The following ULK4 variants were observed in gnomAD, a reference collection of about 807,000 sequenced individuals.
The protein encoded by ULK4 is inactive serine/threonine-protein kinase ULK4.
A neutral mutation model predicts 160.6 loss-of-function variants in ULK4; 133 were observed. The observed-to-expected ratio is 0.83, with a 90% confidence interval of 0.72 to 0.96. The LOEUF (loss-of-function observed/expected upper bound fraction) is 0.96, where lower values mean the gene tolerates loss of function less well. ULK4 is among the 40% of genes least tolerant of loss of function. ULK4 has a pLI of 0.00. For synonymous variants in ULK4, 534 were observed against 539.8 expected, an observed-to-expected ratio of 0.99 and a Z score of 0.15; for missense variants, 1,580 against 1,499.5, an observed-to-expected ratio of 1.05 and a Z score of -0.89.
intron 25 of ULK4, among the ~76,000 whole-genome samples, chr3:41,708,939 A>G (rs1365661064): frequency 6.6e-6 from 1 of 152,234 alleles, no homozygotes; most frequent in Non-Finnish European, 1.5e-5. Context: ...ACTTAAATGC[A>G]ACCTATGTTT....
Position 41,671,841 on chromosome 3 carries a change from C to G in ULK4, c.2979-8142G>C, listed in dbSNP as rs556834477. Among the ~76,000 whole-genome samples, 10 of 151,992 alleles carry G rather than the reference C, an allele frequency of 6.6e-5. No individual in the cohort carries two copies. In the South Asian group the frequency reaches 2.1e-3, roughly 32 times the overall value. On this transcript the variant is annotated intron_variant, in intron 29 of 36. Coordinates refer to ENST00000301831, the MANE Select transcript of ULK4 (RefSeq NM_017886.4). ...CACAACCAAGAGGGGAACTAATATC[C>G]AGAATATATAAGGAACTCAACTCAG...
intron 27 of ULK4, among the ~76,000 whole-genome samples, chr3:41,694,573 C>G (rs982518462): frequency 1.3e-5 from 2 of 152,140 alleles, no homozygotes; most frequent in African/African-American, 2.4e-5. Context: ...GCCTCAGTAT[C>G]TGAGAGAGAT....
At chr3:41,489,860 C>A (rs2084684667) in intron 32 of ULK4, among the ~76,000 whole-genome samples, 1 of 152,136 alleles carries the variant, frequency 6.6e-6, no homozygotes. Flanking sequence ...AATATTAATA[C>A]ACACAGGGTA....
At chr3:41,758,607 C>T (rs2038881386) in intron 21 of ULK4, among the ~76,000 whole-genome samples, 1 of 152,088 alleles carries the variant, frequency 6.6e-6, no homozygotes, top group Non-Finnish European at 1.5e-5. Flanking sequence ...AATAAGTGGC[C>T]GGGCACAGTG....
intron 18 of ULK4, among the ~76,000 whole-genome samples, chr3:41,832,575 T>A (rs1035226788): frequency 4.6e-5 from 7 of 152,268 alleles, no homozygotes; most frequent in African/African-American, 1.7e-4. Flanking sequence ...TGGGTTTTGA[T>A]GCCATTGCTT....
intron 16 of ULK4, among the ~76,000 whole-genome samples, chr3:41,888,394 A>G (rs1022095906): frequency 2.0e-5 from 3 of 152,254 alleles, no homozygotes; most frequent in African/African-American, 7.2e-5. Context: ...CTCAGATGAC[A>G]TGCATAGATA....
intron 35 of ULK4, among the ~76,000 whole-genome samples, chr3:41,280,694 CAA>C (rs1172504918): frequency 2.6e-5 from 4 of 152,126 alleles, no homozygotes; most frequent in African/African-American, 4.8e-5. Context: ...TAAATGCCCA[CAA>C]GAGAGAGCAG....
chr3:41,836,489 G>T (rs1249925204), intron 17 of ULK4, among the ~76,000 whole-genome samples: 2 of 151,964 alleles, frequency 1.3e-5, no homozygotes, highest in Non-Finnish European at 2.9e-5. Context: ...AGTTTATAAA[G>T]CACTTCCACC....
intron 32 of ULK4, among the ~76,000 whole-genome samples, chr3:41,479,717 C>A (rs1343420930): frequency 2.0e-5 from 3 of 152,116 alleles, no homozygotes; most frequent in Non-Finnish European, 4.4e-5. Flanking sequence ...ACGTGGCATG[C>A]AGATTCCTAA....
Position 41,789,718 on chromosome 3 carries a change from G to C in ULK4, c.2136C>G (p.Thr712=). 2 of 1,612,998 alleles carry C rather than the reference G, an allele frequency of 1.2e-6. No homozygotes were observed. Among genetic ancestry groups the C allele is most frequent in the Non-Finnish European group, 1.7e-6 (2 of 1,179,490 alleles). The change falls in exon 21 of 37, where the codon ACC becomes ACG. Residue 712 remains threonine (T), a synonymous_variant. Transcript: ENST00000301831. ...AICKVQQYML[T]LFAAMLSCGI... ...CACAGGACAACATGGCAGCGAATAAGGTCAACATGTACTGCTGAACTTTGC... is the reference window on the plus strand; with the variant it reads ...CACAGGACAACATGGCAGCGAATAACGTCAACATGTACTGCTGAACTTTGC...
chr3:41,731,966 G>A (rs946023656), intron 22 of ULK4, among the ~76,000 whole-genome samples: 4 of 152,014 alleles, frequency 2.6e-5, no homozygotes, highest in Admixed American at 1.3e-4. Flanking sequence ...CACTCTCACC[G>A]TATACAAAAA....
At chr3:41,389,409 T>C (rs1264098243) in intron 35 of ULK4, among the ~76,000 whole-genome samples, 6 of 152,194 alleles carry the variant, frequency 3.9e-5, no homozygotes, top group Non-Finnish European at 7.4e-5. Context: ...CAACACTATG[T>C]TGAATAGGAG....
chr3:41,522,062 G>A (rs17058410), intron 32 of ULK4, among the ~76,000 whole-genome samples: 14,654 of 151,406 alleles, frequency 0.097, 829 homozygotes, highest in Admixed American at 0.14. Context: ...AGTGTTATAC[G>A]TCCCTCCTTG....
intron 27 of ULK4, among the ~76,000 whole-genome samples, chr3:41,691,420 T>C (rs181407661): frequency 6.6e-6 from 1 of 151,996 alleles, no homozygotes; most frequent in African/African-American, 2.4e-5. Flanking sequence ...CTTTTGTTCC[T>C]GCTATAAAAC....
chr3:41,408,106 C>T (rs1335335301), intron 34 of ULK4, among the ~76,000 whole-genome samples: 1 of 150,972 alleles, frequency 6.6e-6, no homozygotes, highest in East Asian at 1.9e-4. Flanking sequence ...AAACAAATGG[C>T]ATATTTAGGA....
At chr3:41,342,452 C>T (rs2080707713) in intron 35 of ULK4, among the ~76,000 whole-genome samples, 1 of 151,978 alleles carries the variant, frequency 6.6e-6, no homozygotes, top group African/African-American at 2.4e-5. Context: ...GTTATTAGAA[C>T]TAAAGTCATA....
rs550252609 is a variant in ULK4, at chr3:41,858,816, T to TC, written c.1657-22846_1657-22845insG. On this transcript the variant is annotated intron_variant, in intron 17 of 36. Coordinates refer to ENST00000301831, the MANE Select transcript of ULK4 (RefSeq NM_017886.4). ...CACAGTTCCTGGCCCAAATTCTTTT[T>TC]TCCCCCCCATAGAAAGCAGAAAAAT... is the stretch of plus-strand genomic sequence containing the variant. Among the ~76,000 whole-genome samples, 479 of 145,000 alleles carry TC rather than the reference T, an allele frequency of 3.3e-3. 1 individual carries two copies. Among genetic ancestry groups the TC allele is most frequent in the African/African-American group, 0.012 (452 of 38,784 alleles).
At chr3:41,512,178 C>A (rs4575869) in intron 32 of ULK4, among the ~76,000 whole-genome samples, 2 of 152,250 alleles carry the variant, frequency 1.3e-5, no homozygotes, top group East Asian at 1.9e-4. Flanking sequence ...ACATTATACT[C>A]AACAGGGAAA....
intron 35 of ULK4, among the ~76,000 whole-genome samples, chr3:41,342,003 G>C (rs2080695774): frequency 6.6e-6 from 1 of 152,188 alleles, no homozygotes; most frequent in Admixed American, 6.5e-5. Context: ...CAGCAGACGA[G>C]TCAATTGAAG....
Sources: allele counts gnomAD v4.1 joint callset (sites outside exome capture counted in the v4.1 genomes callset), GRCh38; gene constraint gnomAD v4.1.1; transcripts MANE v1.5; gene names NCBI Gene and HGNC (gene_info 2026-07-23, HGNC 2026-07-21).